AGAP1: variants seen among roughly 807,000 people sequenced by gnomAD.
AGAP1 encodes the protein ArfGAP with GTPase domain, ankyrin repeat and PH domain 1, also known as arf-GAP with GTPase, ANK repeat and PH domain-containing protein 1.
AGAP1 carries 29 observed loss-of-function variants against 105.3 expected under a neutral mutation model. The ratio of observed to expected loss-of-function variants is 0.28; its 90% CI spans 0.21 to 0.38. The LOEUF is 0.38. Among genes scored for constraint, AGAP1 ranks in the 10% least tolerant of loss-of-function variants. The pLI is 1.00. For synonymous variants in AGAP1, 509 were observed against 485.9 expected, an observed-to-expected ratio of 1.05 and a Z score of -0.63; for missense variants, 998 against 1,165.1, an observed-to-expected ratio of 0.86 and a Z score of 2.09.
At chr2:235,508,978 G>A (rs575161750) in intron 1 of AGAP1, among the ~76,000 whole-genome samples, 1 of 152,294 alleles carries the variant, frequency 6.6e-6, no homozygotes, top group South Asian at 2.1e-4. Flanking sequence ...CACTTTAGTC[G>A]GGGGCGTGGT....
At chr2:236,057,728 G>A (rs1439815619) in intron 16 of AGAP1, among the ~76,000 whole-genome samples, 1 of 152,146 alleles carries the variant, frequency 6.6e-6, no homozygotes, top group African/African-American at 2.4e-5. Context: ...CTGGTTTCAT[G>A]GCCAGCATCT....
At chr2:235,771,415 C>G (rs564171338) in intron 6 of AGAP1, among the ~76,000 whole-genome samples, 1 of 152,268 alleles carries the variant, frequency 6.6e-6, no homozygotes, top group Non-Finnish European at 1.5e-5. Context: ...GCAGGGCACC[C>G]CCAGGAACCC....
intron 13 of AGAP1, among the ~76,000 whole-genome samples, chr2:236,011,511 C>T (rs913201376): frequency 6.6e-6 from 1 of 152,132 alleles, no homozygotes; most frequent in Non-Finnish European, 1.5e-5. Flanking sequence ...ACTCTGTTTA[C>T]CAAAGAGACT....
At chr2:236,116,432 C>A (rs1437348162) in intron 16 of AGAP1, among the ~76,000 whole-genome samples, 1 of 146,858 alleles carries the variant, frequency 6.8e-6, no homozygotes, top group East Asian at 2.0e-4. Context: ...TCACTGCAAC[C>A]TCTGCCTCCT....
chr2:235,727,333 G>T (rs955279669), intron 3 of AGAP1, among the ~76,000 whole-genome samples: 3 of 151,758 alleles, frequency 2.0e-5, no homozygotes, highest in Non-Finnish European at 2.9e-5. Context: ...TTTTAGCCAG[G>T]GTGGGGCTGG....
In AGAP1 at chr2:235,958,628, A is replaced by C. The variant is rs1029647341; in HGVS notation, c.1484-9834A>C. Among the ~76,000 whole-genome samples the C allele has an allele frequency of 1.3e-5, 2 of 152,136 alleles. No individual in the cohort carries two copies. The highest frequency in any genetic ancestry group is 4.8e-5 in the African/African-American group (2 of 41,412). ...AGATAATCGGAGGAGAGTTAATTGT[A>C]AGGTTCGATATGGCATCTTGTCAGC... On this transcript the variant is annotated intron_variant, in intron 12 of 17. Transcript: ENST00000304032. The surrounding 1 kb of genome is among the most constrained non-coding windows in gnomAD (Gnocchi z 4.1).
rs1224524555 is a variant in AGAP1 at position 235,741,742 on chromosome 2, T to A, written c.396+694T>A. Among the ~76,000 whole-genome samples the A allele has an allele frequency of 6.7e-6, 1 of 150,322 alleles. No homozygotes were observed. Among genetic ancestry groups the A allele is most frequent in the Non-Finnish European group, 1.5e-5 (1 of 67,788 alleles). On this transcript the variant is annotated intron_variant, in intron 4 of 17. Coordinates refer to ENST00000304032, the MANE Select transcript of AGAP1 (RefSeq NM_001037131.3). The surrounding 1 kb of genome is among the most constrained non-coding windows in gnomAD (Gnocchi z 4.9). ...TTGTTGTTGTTATTATTATTATTGT[T>A]ATTTTTTATTATTTATTTATTTTTT...
rs377662751 is a variant in AGAP1, at chr2:236,036,646, C to A, written c.1731C>A (p.Asp577Glu). ...AAGCCACGACGTATGAGGAGCGGGA[C>A]GCCTGGGTCCAAGCCATCGAGAGCC... ...HFEATTYEER[D>E]AWVQAIESQI... Residue 577 changes from aspartate (D) to glutamate (E), a missense_variant, in exon 14 of 18, where the codon GAC (aspartate) becomes GAA (glutamate). Coordinates refer to ENST00000304032, the MANE Select transcript of AGAP1 (RefSeq NM_001037131.3). The surrounding 1 kb of genome is among the most constrained non-coding windows in gnomAD (Gnocchi z 5.7). 1 of 1,614,188 alleles carries A rather than the reference C, an allele frequency of 6.2e-7. No homozygotes were observed. The highest frequency in any genetic ancestry group is 1.7e-5 in the Admixed American group (1 of 60,030).
Position 235,877,114 on chromosome 2 carries a change from G to A in AGAP1, c.1051-6231G>A, listed in dbSNP as rs867087723. Reference sequence around the variant, plus strand: ...CCCGCCTCGGCCTCCCAAAGTGCTGGAATTACAGGCATGAGCCACCACGCC... The same window carrying A: ...CCCGCCTCGGCCTCCCAAAGTGCTGAAATTACAGGCATGAGCCACCACGCC... On this transcript the variant is annotated intron_variant, in intron 9 of 17. Coordinates refer to ENST00000304032, the MANE Select transcript of AGAP1 (RefSeq NM_001037131.3). The surrounding 1 kb of genome is among the most constrained non-coding windows in gnomAD (Gnocchi z 4.3). 1.3e-5 allele frequency among the ~76,000 whole-genome samples: 2 copies of A among 151,982 alleles called. No homozygotes were observed. Among genetic ancestry groups the A allele is most frequent in the African/African-American group, 4.8e-5 (2 of 41,344 alleles).
rs1167362794 is a variant in AGAP1 at position 236,119,868 on chromosome 2, G to A, written c.2115-324G>A. 2.0e-5 allele frequency among the ~76,000 whole-genome samples: 3 copies of A among 152,182 alleles called. No individual in the cohort carries two copies. The highest frequency in any genetic ancestry group is 2.9e-5 in the Non-Finnish European group (2 of 68,036). ...GTGACAGAAGCAGCACCAAGGCAGT[G>A]TATGAGCCTGAGATCAGCGGCTCTC... On this transcript the variant is annotated intron_variant, in intron 16 of 17. Transcript: ENST00000304032. This position sits in a 1 kb window ranked among gnomAD's most constrained non-coding sequence, Gnocchi z 6.6.
chr2:235,584,901 CCT>C (rs1491464058), intron 1 of AGAP1, among the ~76,000 whole-genome samples: 11 of 68,380 alleles, frequency 1.6e-4, no homozygotes, highest in African/African-American at 8.7e-4. Context: ...TAAGTCATTA[CCT>C]TTTTTTTTTT....
chr2:235,889,608 C>A lies in AGAP1; in HGVS notation c.1155+6159C>A, dbSNP rs989282220. On this transcript the variant is annotated intron_variant, in intron 10 of 17. Coordinates refer to ENST00000304032, the MANE Select transcript of AGAP1 (RefSeq NM_001037131.3). This position sits in a 1 kb window ranked among gnomAD's most constrained non-coding sequence, Gnocchi z 4.6. The stretch of plus-strand genomic sequence containing the variant: ...GTCCTTACATAGATTGTTTAGGAGA[C>A]CAGTAATCCCTAGTTCCTTTGACTT... Among the ~76,000 whole-genome samples the A allele has an allele frequency of 2.1e-4, 32 of 150,866 alleles. No homozygotes were observed. Among genetic ancestry groups the A allele is most frequent in the African/African-American group, 7.8e-4 (32 of 41,010 alleles).
intron 1 of AGAP1, among the ~76,000 whole-genome samples, chr2:235,514,154 G>GCA (rs1574732879): frequency 7.5e-5 from 5 of 66,656 alleles, no homozygotes; most frequent in East Asian, 4.1e-4. Context: ...GCATGCGCGT[G>GCA]CGCGCGCGCA....
intron 1 of AGAP1, among the ~76,000 whole-genome samples, chr2:235,650,632 G>A (rs1376403887): frequency 6.6e-6 from 1 of 152,170 alleles, no homozygotes; most frequent in Non-Finnish European, 1.5e-5. Flanking sequence ...AAATTAGCTT[G>A]CTCTTTACCC....
chr2:235,899,133 G>T (rs981666780), intron 10 of AGAP1, among the ~76,000 whole-genome samples: 4 of 152,194 alleles, frequency 2.6e-5, no homozygotes, highest in Non-Finnish European at 5.9e-5. Flanking sequence ...GTTTGTCCGT[G>T]TTACCTTAGG....
At position 235,874,697 on chromosome 2, in the gene AGAP1, T is replaced by A. The variant is rs2049623065; in HGVS notation, c.1051-8648T>A. ...TGTTTCTGGCTTTGCCTTCATCTAT[T>A]CTGGAAATTTCAAGAGAACCTGGAC... On this transcript the variant is annotated intron_variant, in intron 9 of 17. Coordinates refer to ENST00000304032, the MANE Select transcript of AGAP1 (RefSeq NM_001037131.3). The surrounding 1 kb of genome is among the most constrained non-coding windows in gnomAD (Gnocchi z 4.5). Among the ~76,000 whole-genome samples, 1 of 152,174 alleles carries A rather than the reference T, an allele frequency of 6.6e-6. No homozygotes were observed. Among genetic ancestry groups the A allele is most frequent in the Non-Finnish European group, 1.5e-5 (1 of 68,022 alleles).
intron 1 of AGAP1, among the ~76,000 whole-genome samples, chr2:235,704,518 C>T (rs1575175422): frequency 1.3e-5 from 2 of 152,140 alleles, no homozygotes; most frequent in African/African-American, 2.4e-5. Context: ...TGGTGGCGGG[C>T]GCCTGTAGTC....
intron 1 of AGAP1, among the ~76,000 whole-genome samples, chr2:235,634,287 C>A (rs1177325634): frequency 1.3e-5 from 2 of 152,200 alleles, no homozygotes; most frequent in African/African-American, 4.8e-5. Context: ...TCTCTGTGTA[C>A]CTGTGTATTT....
At chr2:235,519,139 C>T (rs549871469) in intron 1 of AGAP1, among the ~76,000 whole-genome samples, 20 of 152,262 alleles carry the variant, frequency 1.3e-4, no homozygotes, top group East Asian at 3.9e-4. Flanking sequence ...GTGCCACAAT[C>T]GTAGCTCACC....
Sources: allele counts gnomAD v4.1 joint callset (sites outside exome capture counted in the v4.1 genomes callset), GRCh38; gene constraint gnomAD v4.1.1; non-coding constraint Gnocchi (gnomAD v3.1); transcripts MANE v1.5; gene names NCBI Gene and HGNC (gene_info 2026-07-23, HGNC 2026-07-21).